The following LIMA1 variants were observed in gnomAD, a reference collection of about 807,000 sequenced individuals.
LIMA1 encodes the protein LIM domain and actin-binding protein 1.
Under a neutral mutation model 62.6 loss-of-function variants are expected in LIMA1, and 52 were observed. The observed-to-expected ratio is 0.83, with a 90% CI of 0.67 to 1.05. The LOEUF is 1.05. Among genes scored for constraint, LIMA1 ranks in the 50% least tolerant of loss-of-function variants. The probability of loss-of-function intolerance (pLI) is 0.00; values close to 1 mark genes in which losing one functional copy is unlikely to be tolerated. For missense variants in LIMA1, 780 were observed against 902.2 expected, an observed-to-expected ratio of 0.86 and a Z score of 1.74; for synonymous variants, 302 against 317.8, an observed-to-expected ratio of 0.95 and a Z score of 0.53.
chr12:50,236,756 G>T (rs200346245), intron 2 of LIMA1, among the ~76,000 whole-genome samples: 1 of 150,420 alleles, frequency 6.6e-6, no homozygotes, highest in Non-Finnish European at 1.5e-5. Flanking sequence ...ACACACACAC[G>T]CACACGCACA....
chr12:50,279,307 T>G (rs1942311313), intron 1 of LIMA1, among the ~76,000 whole-genome samples: 1 of 150,582 alleles, frequency 6.6e-6, no homozygotes, highest in Non-Finnish European at 1.5e-5. Context: ...ACCCGGCCTG[T>G]TTTTTCCACA....
chr12:50,268,432 G>A (rs972227902), intron 1 of LIMA1, among the ~76,000 whole-genome samples: 2 of 152,054 alleles, frequency 1.3e-5, no homozygotes, highest in Non-Finnish European at 2.9e-5. Flanking sequence ...GACCCTAAAC[G>A]CTCACCATCT....
At chr12:50,235,241 A>C (rs1469367976) in intron 2 of LIMA1, among the ~76,000 whole-genome samples, 1 of 148,520 alleles carries the variant, frequency 6.7e-6, no homozygotes, top group East Asian at 2.0e-4. Flanking sequence ...GCCAAGAAAG[A>C]GTATTACATA....
At chr12:50,261,084 G>C (rs1262655717) in intron 1 of LIMA1, among the ~76,000 whole-genome samples, 2 of 101,148 alleles carry the variant, frequency 2.0e-5, no homozygotes, top group Non-Finnish European at 3.5e-5. Flanking sequence ...ATGGAGTCTC[G>C]CTCTGTCGCC....
intron 1 of LIMA1, among the ~76,000 whole-genome samples, chr12:50,255,191 T>G (rs1941979662): frequency 6.6e-6 from 1 of 151,996 alleles, no homozygotes; most frequent in Non-Finnish European, 1.5e-5. Flanking sequence ...GGTTACTTAT[T>G]CAAGCTGTAT....
chr12:50,275,898 C>T (rs1777546127), intron 1 of LIMA1, among the ~76,000 whole-genome samples: 1 of 152,070 alleles, frequency 6.6e-6, no homozygotes, highest in East Asian at 1.9e-4. Flanking sequence ...GGCATTGTCT[C>T]CCCTTAAGTT....
intron 2 of LIMA1, among the ~76,000 whole-genome samples, chr12:50,243,202 T>A (rs1024866372): frequency 6.6e-6 from 1 of 152,222 alleles, no homozygotes. Context: ...TCTATACATA[T>A]AAACACAAAA....
chr12:50,263,233 C>T (rs951516150), intron 1 of LIMA1, among the ~76,000 whole-genome samples: 4 of 151,952 alleles, frequency 2.6e-5, no homozygotes, highest in African/African-American at 7.3e-5. Flanking sequence ...TTTTATCTAC[C>T]GAATAAAAGG....
At chr12:50,234,211 CTTTTT>C in intron 2 of LIMA1, 3 of 377,256 alleles carry the variant, frequency 8.0e-6, no homozygotes, top group Admixed American at 4.1e-5. Context: ...CCAGAACAAC[CTTTTT>C]TTTTTTTTTT....
intron 9 of LIMA1, among the ~76,000 whole-genome samples, chr12:50,184,894 C>T (rs935771538): frequency 4.6e-5 from 7 of 152,050 alleles, no homozygotes; most frequent in South Asian, 4.1e-4. Context: ...TACAGTGGCG[C>T]GATCTCAGCT....
chr12:50,248,753 TTGTCTACA>T lies in LIMA1; in HGVS notation c.-10_-3del. 1 of 1,532,444 alleles carries T rather than the reference TTGTCTACA, an allele frequency of 6.5e-7. No homozygotes were observed. The highest frequency in any genetic ancestry group is 9.0e-7 in the Non-Finnish European group (1 of 1,105,584). The allele number at this position is 1,532,444 out of a possible 1,614,324, so 94.9% of individuals were successfully genotyped here. A position where few individuals can be genotyped will look rare whatever the true frequency, so the allele number is the denominator to read the frequency against. The stretch of plus-strand genomic sequence containing the variant: ...TCTATTAAATGGAGATGATTCCATC[TTGTCTACA>T]GACACTGAAATACCTATGCAATAAA... On this transcript the variant is annotated 5_prime_UTR_variant, in exon 2 of 11. Transcript: ENST00000341247.
At chr12:50,256,466 T>C (rs1941998853) in intron 1 of LIMA1, 1 of 152,218 alleles carries the variant, frequency 6.6e-6, no homozygotes. Flanking sequence ...AACTAAGAAA[T>C]GAGCACTGGT....
intron 4 of LIMA1, among the ~76,000 whole-genome samples, chr12:50,209,268 C>T (rs1237076127): frequency 1.3e-5 from 2 of 151,872 alleles, no homozygotes; most frequent in Non-Finnish European, 1.5e-5. Flanking sequence ...CTAGGAGCAG[C>T]CGCTATCTGA....
chr12:50,201,105 G>T, intron 6 of LIMA1: 1 of 1,312,162 alleles, frequency 7.6e-7, no homozygotes, highest in Non-Finnish European at 9.7e-7. Flanking sequence ...GTATGCTAGT[G>T]TAAAACTGGA....
At chr12:50,214,359 A>T (rs1256574381) in intron 4 of LIMA1, among the ~76,000 whole-genome samples, 1 of 152,248 alleles carries the variant, frequency 6.6e-6, no homozygotes, top group African/African-American at 2.4e-5. Flanking sequence ...TCTATTGAAG[A>T]TTAAATGTTA....
At chr12:50,224,031 C>CT (rs1283828584) in intron 3 of LIMA1, among the ~76,000 whole-genome samples, 2 of 151,282 alleles carry the variant, frequency 1.3e-5, no homozygotes, top group African/African-American at 4.9e-5. Flanking sequence ...GAGTGAGACT[C>CT]TGTCTCAAAA....
intron 1 of LIMA1, among the ~76,000 whole-genome samples, chr12:50,264,487 C>T (rs964421135): frequency 6.6e-6 from 1 of 152,224 alleles, no homozygotes; most frequent in Admixed American, 6.5e-5. Flanking sequence ...TCACCTTGCC[C>T]ACCCTTACCC....
intron 1 of LIMA1, among the ~76,000 whole-genome samples, chr12:50,250,321 G>C (rs1008831179): frequency 6.6e-6 from 1 of 150,400 alleles, no homozygotes; most frequent in African/African-American, 2.4e-5. Flanking sequence ...AAAGGTCCTG[G>C]GTCAGACATG....
intron 10 of LIMA1, among the ~76,000 whole-genome samples, chr12:50,178,542 A>G (rs778423060): frequency 4.6e-5 from 7 of 152,092 alleles, no homozygotes; most frequent in South Asian, 4.1e-4. Context: ...AAAAAAAAAA[A>G]AAAGAAAAAA....
Sources: allele counts gnomAD v4.1 joint callset (sites outside exome capture counted in the v4.1 genomes callset), GRCh38; gene constraint gnomAD v4.1.1; transcripts MANE v1.5; gene names NCBI Gene and HGNC (gene_info 2026-07-23, HGNC 2026-07-21).